The following MECOM variants were observed in gnomAD, a reference collection of about 807,000 sequenced individuals.
The protein encoded by MECOM is MDS1 and EVI1 complex locus.
MECOM carries 13 observed loss-of-function variants against 116.3 expected under a neutral mutation model. The observed-to-expected ratio is 0.11, with a 90% confidence interval of 0.07 to 0.18. The LOEUF (loss-of-function observed/expected upper bound fraction) is 0.18. Ranked by LOEUF, MECOM falls within the 10% of genes least tolerant of loss-of-function variation. The pLI is 1.00. For synonymous variants in MECOM, 528 were observed against 535.2 expected, an observed-to-expected ratio of 0.99 and a Z score of 0.19; for missense variants, 1,299 against 1,509.0, an observed-to-expected ratio of 0.86 and a Z score of 2.31.
At chr3:169,569,701 G>T (rs527541979) in intron 1 of MECOM, among the ~76,000 whole-genome samples, 2 of 152,286 alleles carry the variant, frequency 1.3e-5, no homozygotes, top group South Asian at 4.1e-4. Context: ...ACAATGCATA[G>T]AAACTGAACA....
At chr3:169,201,146 A>G (rs931734950) in intron 2 of MECOM, among the ~76,000 whole-genome samples, 2 of 152,160 alleles carry the variant, frequency 1.3e-5, no homozygotes, top group Admixed American at 6.6e-5. Flanking sequence ...TAAATGACAG[A>G]GAACATGTTT....
At chr3:169,237,095 A>C (rs921469305) in intron 2 of MECOM, among the ~76,000 whole-genome samples, 4 of 152,254 alleles carry the variant, frequency 2.6e-5, no homozygotes, top group African/African-American at 9.6e-5. Flanking sequence ...GTCTGAGTAG[A>C]TGAAACATAG....
intron 2 of MECOM, among the ~76,000 whole-genome samples, chr3:169,217,231 C>T (rs1207301050): frequency 1.3e-5 from 2 of 152,000 alleles, no homozygotes; most frequent in Non-Finnish European, 2.9e-5. Flanking sequence ...CCACCTCTTG[C>T]CTGCATACAT....
At chr3:169,333,058 A>C (rs1723013837) in intron 2 of MECOM, among the ~76,000 whole-genome samples, 1 of 152,216 alleles carries the variant, frequency 6.6e-6, no homozygotes, top group Admixed American at 6.5e-5. Context: ...CACTTTATGA[A>C]ATTTAAATTA....
intron 1 of MECOM, among the ~76,000 whole-genome samples, chr3:169,608,456 T>C (rs1185479561): frequency 1.3e-5 from 2 of 152,106 alleles, no homozygotes; most frequent in Non-Finnish European, 2.9e-5. Flanking sequence ...TTTTCAAAGG[T>C]GGCATCTGGA....
intron 1 of MECOM, among the ~76,000 whole-genome samples, chr3:169,478,435 A>T (rs927160922): frequency 6.6e-6 from 1 of 152,142 alleles, no homozygotes; most frequent in African/African-American, 2.4e-5. Flanking sequence ...ACTTGTTAAT[A>T]GCTATTGTGC....
intron 1 of MECOM, among the ~76,000 whole-genome samples, chr3:169,426,684 T>C (rs1158103411): frequency 6.6e-6 from 1 of 152,170 alleles, no homozygotes. Flanking sequence ...ATTGCTGAAG[T>C]AAAAGGGCTA....
chr3:169,436,627 C>T (rs2108587430), intron 1 of MECOM, among the ~76,000 whole-genome samples: 1 of 152,252 alleles, frequency 6.6e-6, no homozygotes, highest in East Asian at 1.9e-4. Flanking sequence ...ATAGTTTTCT[C>T]TTTTGACATT....
intron 1 of MECOM, among the ~76,000 whole-genome samples, chr3:169,579,911 T>C (rs1024879752): frequency 3.3e-5 from 5 of 152,202 alleles, no homozygotes; most frequent in African/African-American, 4.8e-5. Flanking sequence ...CTCATTTATA[T>C]CCATCTTCTG....
rs139260550 is a variant in MECOM, at chr3:169,261,594, G to A, written c.376-117762C>T. Among the ~76,000 whole-genome samples, 571 of 152,172 alleles carry A rather than the reference G, an allele frequency of 3.8e-3. 2 individuals are homozygous for A. Among genetic ancestry groups the A allele is most frequent in the African/African-American group, 0.012 (489 of 41,536 alleles). ...CGGGCACCTGTAATCCCAGCTACTC[G>A]GGAGGCTGAAGAAGGAGAATCACTT... On this transcript the variant is annotated intron_variant, in intron 2 of 16. Transcript: ENST00000651503.
intron 1 of MECOM, among the ~76,000 whole-genome samples, chr3:169,558,338 C>T (rs1895032): frequency 0.22 from 33,580 of 152,122 alleles, 4,722 homozygotes; most frequent in East Asian, 0.7. Flanking sequence ...GTCTTGCTCA[C>T]TTATGTCAAA....
chr3:169,547,219 C>T (rs1760825933), intron 1 of MECOM, among the ~76,000 whole-genome samples: 1 of 152,156 alleles, frequency 6.6e-6, no homozygotes. Flanking sequence ...GCACTTCCCC[C>T]TTTGTGCTGT....
chr3:169,357,857 GGAAAA>G (rs1727530842), intron 2 of MECOM, among the ~76,000 whole-genome samples: 1 of 151,730 alleles, frequency 6.6e-6, no homozygotes, highest in African/African-American at 2.4e-5. Flanking sequence ...GAAGAGGTGA[GGAAAA>G]GAAGTCTATC....
At chr3:169,541,389 A>G (rs1439099990) in intron 1 of MECOM, among the ~76,000 whole-genome samples, 3 of 152,232 alleles carry the variant, frequency 2.0e-5, no homozygotes, top group African/African-American at 7.2e-5. Flanking sequence ...GAAGTGCTAG[A>G]GAGAAAGAGT....
At chr3:169,261,544 C>CA (rs1302581105) in intron 2 of MECOM, among the ~76,000 whole-genome samples, 2 of 151,874 alleles carry the variant, frequency 1.3e-5, no homozygotes, top group East Asian at 1.9e-4. Context: ...ACTAAAAATA[C>CA]AAAAAAATTA....
At chr3:169,096,228 G>C (rs1721404537) in intron 12 of MECOM, among the ~76,000 whole-genome samples, 1 of 151,356 alleles carries the variant, frequency 6.6e-6, no homozygotes, top group African/African-American at 2.4e-5. Context: ...GATTTTGGGG[G>C]GCATGTTACT....
At chr3:169,144,174 A>C (rs1297340249) in intron 2 of MECOM, among the ~76,000 whole-genome samples, 2 of 152,176 alleles carry the variant, frequency 1.3e-5, no homozygotes, top group Non-Finnish European at 2.9e-5. Flanking sequence ...ATATTTCTAA[A>C]CATTACAGTC....
chr3:169,210,115 A>C (rs1302039220), intron 2 of MECOM, among the ~76,000 whole-genome samples: 2 of 152,300 alleles, frequency 1.3e-5, no homozygotes, highest in African/African-American at 4.8e-5. Flanking sequence ...ACAGAAAGCC[A>C]AACACCACAT....
intron 2 of MECOM, among the ~76,000 whole-genome samples, chr3:169,151,367 G>A (rs2149326125): frequency 6.6e-6 from 1 of 152,292 alleles, no homozygotes; most frequent in African/African-American, 2.4e-5. Context: ...CATTCACCCT[G>A]ACATTATGTT....
Sources: allele counts gnomAD v4.1 joint callset (sites outside exome capture counted in the v4.1 genomes callset), GRCh38; gene constraint gnomAD v4.1.1; transcripts MANE v1.5; gene names NCBI Gene and HGNC (gene_info 2026-07-23, HGNC 2026-07-21).